NXN: variants seen among roughly 807,000 people sequenced by gnomAD.
The protein encoded by NXN is nucleoredoxin 1.
A neutral mutation model predicts 48.6 loss-of-function variants in NXN; 16 were observed. The ratio of observed to expected loss-of-function variants is 0.33; its 90% CI spans 0.22 to 0.50. The LOEUF (loss-of-function observed/expected upper bound fraction) is 0.50, where lower values mean the gene tolerates loss of function less well. Ranked by LOEUF, NXN falls within the 20% of genes least tolerant of loss-of-function variation. NXN has a pLI of 0.98. For missense variants in NXN, 492 were observed against 605.5 expected, an observed-to-expected ratio of 0.81 and a Z score of 1.97; for synonymous variants, 281 against 269.6, an observed-to-expected ratio of 1.04 and a Z score of -0.41.
chr17:886,777 CA>C (rs5818771), intron 1 of NXN, among the ~76,000 whole-genome samples: 71,166 of 124,214 alleles, frequency 0.57, 18,617 homozygotes, highest in African/African-American at 0.68. Context: ...GACTCTGTCT[CA>C]AAAAAAAAAA....
At chr17:944,740 A>G (rs2069023120) in intron 1 of NXN, among the ~76,000 whole-genome samples, 1 of 152,180 alleles carries the variant, frequency 6.6e-6, no homozygotes, top group African/African-American at 2.4e-5. Context: ...TTGGGATTCC[A>G]GTGAGTTTGT....
At chr17:926,570 A>C (rs2068802346) in intron 1 of NXN, among the ~76,000 whole-genome samples, 1 of 148,302 alleles carries the variant, frequency 6.7e-6, no homozygotes, top group Admixed American at 6.7e-5. Context: ...TTTTGAGACA[A>C]GGTCTGGCTC....
chr17:944,238 T>C (rs1327066711), intron 1 of NXN, among the ~76,000 whole-genome samples: 1 of 152,048 alleles, frequency 6.6e-6, no homozygotes, highest in African/African-American at 2.4e-5. Context: ...AAACTCCATC[T>C]CAGAAAAAAA....
At chr17:905,270 T>G (rs2457279) in intron 1 of NXN, 72,621 of 149,380 alleles carry the variant, frequency 0.49, 19,121 homozygotes, top group African/African-American at 0.67. Flanking sequence ...TATATATATA[T>G]ATAGATGCCG....
chr17:806,511 C>T lies in NXN; in HGVS notation c.821-1264G>A, dbSNP rs182065987. Among the ~76,000 whole-genome samples, 111 of 152,284 alleles carry T rather than the reference C, an allele frequency of 7.3e-4. 1 individual carries two copies. In the East Asian group the frequency reaches 0.019, roughly 27 times the overall value. ...GCAGCCTCTCCTCCAGCCAGGGCTA[C>T]AGGCCCCCACCCACGGCCCACCCTT... is the stretch of plus-strand genomic sequence containing the variant. On this transcript the variant is annotated intron_variant, in intron 5 of 7. Coordinates refer to ENST00000336868, the MANE Select transcript of NXN (RefSeq NM_022463.5).
In NXN at chr17:956,544, G is replaced by A. The variant is rs966875239; in HGVS notation, c.360+22775C>T. ...TTCTCCTGCCTCAGCCTCCCAAGTA[G>A]CTGGGACTACAGGCGCCCGCCACCA... On this transcript the variant is annotated intron_variant, in intron 1 of 7. Transcript: ENST00000336868. The surrounding 1 kb of genome is among the most constrained non-coding windows in gnomAD (Gnocchi z 4.1). Among the ~76,000 whole-genome samples the A allele has an allele frequency of 1.3e-5, 2 of 152,126 alleles. No homozygotes were observed. Among genetic ancestry groups the A allele is most frequent in the African/African-American group, 2.4e-5 (1 of 41,414 alleles).
chr17:926,407 G>A (rs966213001), intron 1 of NXN, among the ~76,000 whole-genome samples: 2 of 151,866 alleles, frequency 1.3e-5, no homozygotes, highest in South Asian at 2.1e-4. Flanking sequence ...GGCAGGTCTC[G>A]AACTCCTGGG....
chr17:954,694 A>T (rs1345517361), intron 1 of NXN, among the ~76,000 whole-genome samples: 1 of 152,150 alleles, frequency 6.6e-6, no homozygotes, highest in Non-Finnish European at 1.5e-5. Flanking sequence ...AACTGCCCGG[A>T]CGGGCCCCAG....
In NXN at chr17:914,395, C is replaced by T. The variant is rs1029156062; in HGVS notation, c.360+64924G>A. ...GTGTTGGCCAGGCTGGTCTCAAACT[C>T]CTGACCTCAGGTGATCCACCCGCCA... On this transcript the variant is annotated intron_variant, in intron 1 of 7. Transcript: ENST00000336868. Among the ~76,000 whole-genome samples, 9 of 152,088 alleles carry T rather than the reference C, an allele frequency of 5.9e-5. No individual in the cohort carries two copies. The Middle Eastern group carries it at 0.01, about 172-fold the overall frequency.
chr17:942,276 ACAAG>A, intron 1 of NXN, among the ~76,000 whole-genome samples: 1 of 115,300 alleles, frequency 8.7e-6, no homozygotes, highest in South Asian at 3.3e-4. Context: ...TTTACAGTGA[ACAAG>A]ATTCCAGGGT....
intron 1 of NXN, among the ~76,000 whole-genome samples, chr17:829,025 T>C (rs568131492): frequency 1.3e-5 from 2 of 152,204 alleles, no homozygotes; most frequent in Admixed American, 1.3e-4. Flanking sequence ...TTTATATTTT[T>C]CCACCAGTGG....
intron 1 of NXN, among the ~76,000 whole-genome samples, chr17:931,821 TAA>T (rs1843582113): frequency 1.5e-5 from 1 of 65,128 alleles, no homozygotes; most frequent in South Asian, 5.1e-4. Flanking sequence ...GGCGACAGAG[TAA>T]GACTCCGTCT....
chr17:915,890 G>GGTGTCAGAGCCGAAA (rs1385816947), intron 1 of NXN, among the ~76,000 whole-genome samples: 2 of 99,916 alleles, frequency 2.0e-5, no homozygotes, highest in South Asian at 3.2e-4. Flanking sequence ...ACTTCCAGCT[G>GGTGTCAGAGCCGAAA]CTCCCCCTCT....
chr17:965,266 T>C (rs1434705177), intron 1 of NXN, among the ~76,000 whole-genome samples: 1 of 151,414 alleles, frequency 6.6e-6, no homozygotes, highest in East Asian at 1.9e-4. Context: ...ACGGAGGGAG[T>C]CTCGATTTTC....
At chr17:877,306 C>T (rs986006179) in intron 1 of NXN, among the ~76,000 whole-genome samples, 2 of 151,840 alleles carry the variant, frequency 1.3e-5, no homozygotes, top group African/African-American at 4.8e-5. Flanking sequence ...GCCACCAAGC[C>T]CGGCTAATTT....
intron 1 of NXN, among the ~76,000 whole-genome samples, chr17:882,325 A>G (rs1022625542): frequency 6.6e-6 from 1 of 151,860 alleles, no homozygotes; most frequent in African/African-American, 2.4e-5. Flanking sequence ...GTGTCCCCAA[A>G]CCAGAAACCT....
chr17:811,465 T>C (rs1444168800), intron 5 of NXN, among the ~76,000 whole-genome samples: 1 of 149,380 alleles, frequency 6.7e-6, no homozygotes, highest in African/African-American at 2.4e-5. Flanking sequence ...TTTTCAGCAC[T>C]GCACACGGCT....
At chr17:901,366 G>A (rs1243916988) in intron 1 of NXN, among the ~76,000 whole-genome samples, 4 of 152,246 alleles carry the variant, frequency 2.6e-5, no homozygotes, top group Middle Eastern at 3.4e-3. Context: ...CTTAATCAAC[G>A]CTAGCTCCTT....
intron 1 of NXN, among the ~76,000 whole-genome samples, chr17:881,023 TG>T (rs1456467669): frequency 1.3e-5 from 2 of 152,090 alleles, no homozygotes; most frequent in African/African-American, 4.8e-5. Flanking sequence ...GCCCAGGCTC[TG>T]GGAGTGCACA....
Sources: gnomAD v4.1 joint callset for allele counts (sites outside exome capture counted in the v4.1 genomes callset) on GRCh38, gnomAD v4.1.1 for gene constraint, Gnocchi (gnomAD v3.1) non-coding constraint, MANE v1.5 for transcripts, NCBI Gene and HGNC (gene_info 2026-07-23, HGNC 2026-07-21) for gene names.